GOSR1: variants seen among roughly 807,000 people sequenced by gnomAD.
The protein encoded by GOSR1 is 28 kDa Golgi SNARE protein.
A neutral mutation model predicts 35.5 loss-of-function variants in GOSR1; 21 were observed. The observed-to-expected ratio is 0.59, with a 90% CI of 0.42 to 0.85. GOSR1 has a LOEUF of 0.85. Among genes scored for constraint, GOSR1 ranks in the 40% least tolerant of loss-of-function variants. The pLI is 0.00. For missense variants in GOSR1, 285 were observed against 309.6 expected (o/e 0.92, Z 0.60); for synonymous variants, 94 against 106.6 (o/e 0.88, Z 0.73).
At chr17:30,495,491 C>G (rs781598268) in intron 6 of GOSR1, 1 of 453,854 alleles carries the variant, frequency 2.2e-6, no homozygotes, top group Admixed American at 2.4e-5. Context: ...AAAGCCTCAT[C>G]TCTTCTGGAT....
At chr17:30,519,635 A>T (rs1402494902) in intron 7 of GOSR1, 1 of 209,048 alleles carries the variant, frequency 4.8e-6, no homozygotes, top group Non-Finnish European at 9.4e-6. Flanking sequence ...TTTAAACTTT[A>T]AATTTTAAGA....
rs936401457 is a variant in GOSR1, at chr17:30,524,817, C to A, written c.*2439C>A. On this transcript the variant is annotated 3_prime_UTR_variant, in exon 9 of 9. Transcript: ENST00000451249. ...ATGGGCAAAAGTTTAAGGACTACTG[C>A]CTGATGTACCAGGAATCCTGAGTTC... 2.6e-5 allele frequency: 4 copies of A among 152,202 alleles called. No homozygotes were observed. The highest frequency in any genetic ancestry group is 9.7e-5 in the African/African-American group (4 of 41,440). 9.4% of individuals were successfully genotyped at this position (152,202 alleles called of 1,614,324 possible).
At chr17:30,503,178 T>C (rs1320476106) in intron 6 of GOSR1, among the ~76,000 whole-genome samples, 2 of 152,252 alleles carry the variant, frequency 1.3e-5, no homozygotes, top group Non-Finnish European at 2.9e-5. Context: ...TGCCAAGTTC[T>C]TACATTTTGT....
intron 6 of GOSR1, among the ~76,000 whole-genome samples, chr17:30,498,297 A>G (rs1967075156): frequency 6.6e-6 from 1 of 152,076 alleles, no homozygotes; most frequent in Admixed American, 6.6e-5. Flanking sequence ...TGATGTGGAA[A>G]GTATTGTGCT....
intron 5 of GOSR1, chr17:30,490,437 C>T: frequency 2.6e-6 from 1 of 378,462 alleles, no homozygotes; most frequent in Non-Finnish European, 4.9e-6. Context: ...TGGCTCCTGC[C>T]AACCTTGACT....
intron 7 of GOSR1, among the ~76,000 whole-genome samples, chr17:30,518,116 A>G (rs1426015635): frequency 3.9e-5 from 6 of 152,076 alleles, no homozygotes; most frequent in Admixed American, 6.6e-5. Context: ...TTTCACTGCA[A>G]CCCCTGTGTA....
rs376535411 is a variant in GOSR1, at chr17:30,481,090, T to G, written c.32-53T>G. The G allele has an allele frequency of 5.2e-5, 62 of 1,195,332 alleles. No individual in the cohort carries two copies. The African/African-American group carries it at 6.4e-4, about 12-fold the overall frequency. 74.0% of individuals were successfully genotyped at this position (1,195,332 alleles called of 1,614,324 possible). Reference sequence around the variant, plus strand: ...TGTTTTCTTTAGAATGGTGCTGTGATTTTTGTGTCTACTTTTTATGTCTAA... The same window carrying G: ...TGTTTTCTTTAGAATGGTGCTGTGAGTTTTGTGTCTACTTTTTATGTCTAA... On this transcript the variant is annotated intron_variant, in intron 1 of 8. Transcript: ENST00000451249.
At chr17:30,502,064 T>G (rs1326456013) in intron 6 of GOSR1, among the ~76,000 whole-genome samples, 1 of 152,176 alleles carries the variant, frequency 6.6e-6, no homozygotes, top group African/African-American at 2.4e-5. Context: ...GGAAAAGACA[T>G]GGGGGAACTT....
intron 6 of GOSR1, among the ~76,000 whole-genome samples, chr17:30,495,187 C>CAAAAAA (rs11369569): frequency 2.5e-5 from 2 of 81,310 alleles, no homozygotes; most frequent in Non-Finnish European, 2.3e-5. Flanking sequence ...GACTCCGGCT[C>CAAAAAA]AAAAAAAAAA....
intron 3 of GOSR1, 25 bp downstream of exon 3, chr17:30,484,326 A>G (rs570235809): frequency 1.4e-5 from 18 of 1,260,764 alleles, no homozygotes; most frequent in Middle Eastern, 1.8e-4. Context: ...TTAAATGGCT[A>G]TTTTGCAAAT....
rs1000480798 is a variant in GOSR1, at chr17:30,523,073, G to C, written c.*695G>C. ...GGCTGGAGTGCAGTGGCGTGATCTC[G>C]GCTCACTACAACCTCCACCTCCCAG... On this transcript the variant is annotated 3_prime_UTR_variant, in exon 9 of 9. Transcript: ENST00000451249. 5.7e-6 allele frequency: 1 copy of C among 176,154 alleles called. No homozygotes were observed. Among genetic ancestry groups the C allele is most frequent in the Non-Finnish European group, 1.2e-5 (1 of 83,230 alleles). The allele number at this position is 176,154 out of a possible 1,614,324, so 10.9% of individuals were successfully genotyped here.
chr17:30,484,787 G>A lies in GOSR1; in HGVS notation c.342+17G>A, dbSNP rs116313398. On this transcript the variant is annotated intron_variant, in intron 4 of 8. Coordinates refer to ENST00000451249, the MANE Select transcript of GOSR1 (RefSeq NM_001007025.2). ...ATATTGCAGGTAATATATTGGGCTC[G>A]AGATGTTTTCATTATCACAGGAGTT... 1,298 of 1,318,258 alleles carry A rather than the reference G, an allele frequency of 9.8e-4. 8 individuals carry two copies. In the African/African-American group the frequency reaches 0.013, roughly 14 times the overall value. 81.7% of individuals were successfully genotyped at this position (1,318,258 alleles called of 1,614,324 possible). A position where few individuals can be genotyped will look rare whatever the true frequency, so the allele number is the denominator to read the frequency against.
At chr17:30,478,464 G>A (rs1052991736) in intron 1 of GOSR1, 5 of 151,934 alleles carry the variant, frequency 3.3e-5, no homozygotes, top group African/African-American at 7.3e-5. Context: ...TTTCCTACTA[G>A]AGAAGACAAT....
At chr17:30,487,883 C>G (rs1914778767) in intron 4 of GOSR1, among the ~76,000 whole-genome samples, 1 of 152,058 alleles carries the variant, frequency 6.6e-6, no homozygotes, top group Non-Finnish European at 1.5e-5. Flanking sequence ...TCAAGCGATT[C>G]TTCTGCCTCG....
chr17:30,490,815 A>C (rs1404859512), intron 5 of GOSR1, among the ~76,000 whole-genome samples: 3 of 152,118 alleles, frequency 2.0e-5, no homozygotes, highest in African/African-American at 7.2e-5. Context: ...TTAATGATCT[A>C]TTCTAGCATT....
intron 6 of GOSR1, among the ~76,000 whole-genome samples, chr17:30,500,669 T>G (rs1387743057): frequency 1.3e-5 from 2 of 152,212 alleles, no homozygotes; most frequent in Non-Finnish European, 2.9e-5. Context: ...ATAAGTCTCC[T>G]AACTTTATCA....
chr17:30,519,690 T>G, intron 7 of GOSR1: 1 of 338,358 alleles, frequency 3.0e-6, no homozygotes, highest in Middle Eastern at 7.9e-4. Flanking sequence ...TTATTTTGTT[T>G]GTTATTTTGA....
At chr17:30,520,098 C>A in intron 8 of GOSR1, 77 bp downstream of exon 8, 1 of 897,432 alleles carries the variant, frequency 1.1e-6, no homozygotes, top group Non-Finnish European at 1.9e-6. Context: ...TTATAGGGGG[C>A]AGGTTGCCAT....
At chr17:30,511,717 G>A (rs949315505) in intron 7 of GOSR1, among the ~76,000 whole-genome samples, 4 of 151,984 alleles carry the variant, frequency 2.6e-5, no homozygotes, top group African/African-American at 9.7e-5. Context: ...TTTTAGTAGT[G>A]ACAGGGTTTC....
Sources: allele counts gnomAD v4.1 joint callset (sites outside exome capture counted in the v4.1 genomes callset), GRCh38; gene constraint gnomAD v4.1.1; transcripts MANE v1.5; gene names NCBI Gene and HGNC (gene_info 2026-07-23, HGNC 2026-07-21).